The following PIP5K1B variants were observed in gnomAD, a reference collection of about 807,000 sequenced individuals.
The protein encoded by PIP5K1B is phosphatidylinositol-4-phosphate 5-kinase type 1 beta, also known as phosphatidylinositol 4-phosphate 5-kinase type-1 beta.
PIP5K1B carries 42 observed loss-of-function variants against 67.0 expected under a neutral mutation model. That is an observed-to-expected ratio of 0.63 (90% CI 0.49 to 0.81). The LOEUF (loss-of-function observed/expected upper bound fraction) is 0.81. PIP5K1B is among the 30% of genes least tolerant of loss of function. The pLI is 0.00. For missense variants in PIP5K1B, 459 were observed against 646.3 expected (o/e 0.71, Z 3.14); for synonymous variants, 214 against 231.4 (o/e 0.92, Z 0.68).
intron 1 of PIP5K1B, among the ~76,000 whole-genome samples, chr9:68,726,911 G>A (rs1000478728): frequency 6.6e-6 from 1 of 151,702 alleles, no homozygotes; most frequent in Admixed American, 6.6e-5. Flanking sequence ...ATCTTTTCAT[G>A]TGCCTATTTG....
At chr9:68,760,093 A>G (rs1239678742) in intron 2 of PIP5K1B, among the ~76,000 whole-genome samples, 1 of 152,174 alleles carries the variant, frequency 6.6e-6, no homozygotes, top group Non-Finnish European at 1.5e-5. Flanking sequence ...TATTAAATTT[A>G]GTAATACAAT....
chr9:68,717,210 T>C (rs986152582), intron 1 of PIP5K1B, among the ~76,000 whole-genome samples: 1 of 152,216 alleles, frequency 6.6e-6, no homozygotes, highest in South Asian at 2.1e-4. Context: ...GTAACAAACC[T>C]GCATGTGTAA....
At chr9:68,876,816 T>C in intron 6 of PIP5K1B, 22 bp downstream of exon 6, 1 of 1,151,254 alleles carries the variant, frequency 8.7e-7, no homozygotes, top group African/African-American at 1.5e-5. Flanking sequence ...TCATTTTTCT[T>C]CCTTCTATAG....
chr9:68,991,981 G>GA (rs1160140377), intron 15 of PIP5K1B, among the ~76,000 whole-genome samples: 1 of 151,984 alleles, frequency 6.6e-6, no homozygotes, highest in Non-Finnish European at 1.5e-5. Flanking sequence ...TTTTTTTGGG[G>GA]GGGGGCAGAG....
At chr9:68,844,212 C>G (rs1011827218) in intron 4 of PIP5K1B, among the ~76,000 whole-genome samples, 2 of 152,182 alleles carry the variant, frequency 1.3e-5, no homozygotes, top group African/African-American at 2.4e-5. Context: ...ATCATCTACT[C>G]AGTCATTCAG....
chr9:68,822,498 C>T, intron 3 of PIP5K1B, 117 bp from the exon 4 acceptor site: 1 of 679,060 alleles, frequency 1.5e-6, no homozygotes, highest in Non-Finnish European at 2.5e-6. Flanking sequence ...GGAACAACAG[C>T]AATAGCAATA....
chr9:68,810,500 G>A (rs1587486692), intron 2 of PIP5K1B, among the ~76,000 whole-genome samples: 1 of 152,182 alleles, frequency 6.6e-6, no homozygotes, highest in African/African-American at 2.4e-5. Context: ...GTAAGGACTC[G>A]TGGCTAGTGT....
chr9:68,850,261 A>G (rs1042075098), intron 4 of PIP5K1B, among the ~76,000 whole-genome samples: 6 of 152,236 alleles, frequency 3.9e-5, no homozygotes, highest in African/African-American at 1.4e-4. Flanking sequence ...TCCCAGCTCA[A>G]TAGCCAGAAA....
intron 2 of PIP5K1B, among the ~76,000 whole-genome samples, chr9:68,778,900 A>G (rs1333204452): frequency 2.6e-5 from 4 of 152,166 alleles, no homozygotes; most frequent in African/African-American, 9.7e-5. Flanking sequence ...TCTGCTTGGA[A>G]TACTCATTCC....
chr9:68,988,907 C>T (rs896904535), intron 14 of PIP5K1B, among the ~76,000 whole-genome samples: 1 of 151,426 alleles, frequency 6.6e-6, no homozygotes, highest in African/African-American at 2.4e-5. Context: ...CCAGCCTGGC[C>T]AACATGGTGA....
At chr9:68,753,948 C>A (rs1275656128) in intron 2 of PIP5K1B, among the ~76,000 whole-genome samples, 5 of 152,116 alleles carry the variant, frequency 3.3e-5, no homozygotes, top group African/African-American at 1.2e-4. Context: ...GCGTGAGCTA[C>A]CATGCCCGGC....
At chr9:68,961,593 A>G (rs1258902790) in intron 14 of PIP5K1B, among the ~76,000 whole-genome samples, 1 of 151,980 alleles carries the variant, frequency 6.6e-6, no homozygotes, top group Admixed American at 6.6e-5. Context: ...GAAACCTGGT[A>G]TTTGTCTTTC....
intron 2 of PIP5K1B, among the ~76,000 whole-genome samples, chr9:68,801,987 C>T (rs2131985269): frequency 6.6e-6 from 1 of 152,334 alleles, no homozygotes; most frequent in South Asian, 2.1e-4. Flanking sequence ...TAATGGGCAT[C>T]TCTGGATGAG....
intron 14 of PIP5K1B, among the ~76,000 whole-genome samples, chr9:68,983,638 A>G (rs1364828492): frequency 2.6e-5 from 4 of 152,206 alleles, no homozygotes; most frequent in Non-Finnish European, 5.9e-5. Flanking sequence ...TGGATACTCA[A>G]TAACTATTTG....
At chr9:68,863,576 G>A (rs1252101675) in intron 4 of PIP5K1B, among the ~76,000 whole-genome samples, 2 of 152,146 alleles carry the variant, frequency 1.3e-5, no homozygotes, top group Non-Finnish European at 2.9e-5. Flanking sequence ...AATTATTATG[G>A]ATCTATGGTG....
At chr9:68,826,535 C>G (rs1426195135) in intron 4 of PIP5K1B, among the ~76,000 whole-genome samples, 1 of 152,204 alleles carries the variant, frequency 6.6e-6, no homozygotes, top group African/African-American at 2.4e-5. Flanking sequence ...CAGGCCCTAT[C>G]TGTCCCGTAG....
chr9:68,785,067 A>G (rs1182106138), intron 2 of PIP5K1B, among the ~76,000 whole-genome samples: 3 of 152,170 alleles, frequency 2.0e-5, no homozygotes, highest in Non-Finnish European at 4.4e-5. Flanking sequence ...TAGAAGGCTT[A>G]TTAGGCTATG....
At chr9:68,975,284 G>T (rs574809684) in intron 14 of PIP5K1B, among the ~76,000 whole-genome samples, 19 of 143,708 alleles carry the variant, frequency 1.3e-4, no homozygotes, top group African/African-American at 5.1e-4. Context: ...CCCCAGGCTG[G>T]TCTCAAACTC....
At chr9:68,857,143 G>T (rs1822819222) in intron 4 of PIP5K1B, among the ~76,000 whole-genome samples, 1 of 152,210 alleles carries the variant, frequency 6.6e-6, no homozygotes, top group Admixed American at 6.5e-5. Context: ...TTCCCCACCA[G>T]AGTCTCTGAA....
Sources: allele counts gnomAD v4.1 joint callset (sites outside exome capture counted in the v4.1 genomes callset), GRCh38; gene constraint gnomAD v4.1.1; transcripts MANE v1.5; gene names NCBI Gene and HGNC (gene_info 2026-07-23, HGNC 2026-07-21).